Variants in STAG1 observed in about 807,000 individuals in gnomAD.
STAG1 encodes the protein cohesin subunit SA-1.
A neutral mutation model predicts 170.9 loss-of-function variants in STAG1; 26 were observed. That is an observed-to-expected ratio of 0.15 (90% confidence interval 0.11 to 0.21). The LOEUF (loss-of-function observed/expected upper bound fraction) is 0.21, where lower values mean the gene tolerates loss of function less well. STAG1 is among the 10% of genes least tolerant of loss of function. The probability of loss-of-function intolerance (pLI) is 1.00; values close to 1 mark genes in which losing one functional copy is unlikely to be tolerated. For missense variants in STAG1, 964 were observed against 1,509.5 expected (o/e 0.64, Z 5.99); for synonymous variants, 514 against 497.7 (o/e 1.03, Z -0.44).
At chr3:136,381,034 A>G (rs533030) in intron 22 of STAG1, among the ~76,000 whole-genome samples, 49,060 of 143,476 alleles carry the variant, frequency 0.34, 8,556 homozygotes, top group East Asian at 0.72. Context: ...GAAAAAAAAA[A>G]AAGAAAAAAA....
At chr3:136,423,100 T>C in intron 16 of STAG1, 56 bp from the exon 17 acceptor site, 1 of 1,179,684 alleles carries the variant, frequency 8.5e-7, no homozygotes, top group Non-Finnish European at 1.2e-6. Flanking sequence ...AAATCCAAAC[T>C]GTTACATATA....
At chr3:136,443,874 C>T (rs1243845963) in intron 14 of STAG1, among the ~76,000 whole-genome samples, 2 of 152,142 alleles carry the variant, frequency 1.3e-5, no homozygotes, top group African/African-American at 2.4e-5. Context: ...ACAAGTTACT[C>T]CATCTCTCCA....
chr3:136,614,974 T>C (rs1299834507), intron 3 of STAG1, among the ~76,000 whole-genome samples: 1 of 152,088 alleles, frequency 6.6e-6, no homozygotes, highest in Non-Finnish European at 1.5e-5. Context: ...TATAAAATAA[T>C]AAACTATAGT....
intron 1 of STAG1, among the ~76,000 whole-genome samples, chr3:136,652,893 A>T (rs1941262438): frequency 6.6e-6 from 1 of 152,184 alleles, no homozygotes; most frequent in Non-Finnish European, 1.5e-5. Flanking sequence ...ATGAAGTAGC[A>T]TCCTCCTAAA....
intron 1 of STAG1, among the ~76,000 whole-genome samples, chr3:136,714,956 TA>T (rs1943488935): frequency 4.3e-5 from 3 of 69,156 alleles, no homozygotes; most frequent in African/African-American, 8.1e-5. Context: ...TATATATATA[TA>T]TATATATTTT....
intron 16 of STAG1, among the ~76,000 whole-genome samples, chr3:136,432,985 T>A (rs2088354201): frequency 6.6e-6 from 1 of 152,162 alleles, no homozygotes; most frequent in Non-Finnish European, 1.5e-5. Flanking sequence ...GTGTTTTTTT[T>A]TTAATCTTTG....
intron 9 of STAG1, among the ~76,000 whole-genome samples, chr3:136,477,793 T>C (rs1286000111): frequency 2.0e-5 from 3 of 152,190 alleles, no homozygotes; most frequent in African/African-American, 7.2e-5. Flanking sequence ...TTAATCTTTT[T>C]TTAAAAAATT....
intron 1 of STAG1, among the ~76,000 whole-genome samples, chr3:136,647,587 T>G (rs1941077389): frequency 6.6e-6 from 1 of 151,906 alleles, no homozygotes. Flanking sequence ...AACAAAAATA[T>G]TTTTCCTTCA....
chr3:136,427,039 G>T (rs531193740), intron 16 of STAG1, among the ~76,000 whole-genome samples: 2 of 148,282 alleles, frequency 1.3e-5, no homozygotes, highest in Non-Finnish European at 3.0e-5. Context: ...CAGCCTGGGC[G>T]ACAGAGCGAG....
chr3:136,527,896 A>C (rs1299293823), intron 6 of STAG1, among the ~76,000 whole-genome samples: 1 of 152,192 alleles, frequency 6.6e-6, no homozygotes, highest in Admixed American at 6.5e-5. Flanking sequence ...GCTGCAGAAC[A>C]GTGAATATTG....
intron 8 of STAG1, among the ~76,000 whole-genome samples, chr3:136,502,153 G>A (rs1042492759): frequency 6.6e-6 from 1 of 151,800 alleles, no homozygotes. Flanking sequence ...ACTCGAGCCT[G>A]GGCAACAAGA....
intron 13 of STAG1, among the ~76,000 whole-genome samples, chr3:136,452,435 G>GGT (rs1491106956): frequency 1.3e-5 from 2 of 151,760 alleles, no homozygotes; most frequent in African/African-American, 4.8e-5. Context: ...ATGGTGGCGG[G>GGT]CACCTGTAGT....
At chr3:136,611,055 T>C (rs1160341923) in intron 3 of STAG1, among the ~76,000 whole-genome samples, 2 of 152,216 alleles carry the variant, frequency 1.3e-5, no homozygotes, top group Admixed American at 1.3e-4. Context: ...TGCACATACA[T>C]AATGAAACAT....
intron 13 of STAG1, among the ~76,000 whole-genome samples, chr3:136,462,272 G>A (rs1358370937): frequency 6.6e-6 from 1 of 152,156 alleles, no homozygotes. Context: ...ATTCATAGTA[G>A]TGATACATGG....
intron 1 of STAG1, among the ~76,000 whole-genome samples, chr3:136,679,451 G>T (rs948118103): frequency 6.6e-6 from 1 of 151,856 alleles, no homozygotes; most frequent in Non-Finnish European, 1.5e-5. Context: ...AGCATGGGCC[G>T]GGTGCGGTGG....
At chr3:136,634,072 C>A (rs1474147446) in intron 1 of STAG1, among the ~76,000 whole-genome samples, 1 of 147,790 alleles carries the variant, frequency 6.8e-6, no homozygotes, top group African/African-American at 2.5e-5. Flanking sequence ...ACCCAGGAGG[C>A]GGAGGTTGCA....
At chr3:136,608,001 AATCCC>A (rs1397442760) in intron 3 of STAG1, among the ~76,000 whole-genome samples, 5 of 152,184 alleles carry the variant, frequency 3.3e-5, no homozygotes, top group Admixed American at 1.3e-4. Flanking sequence ...TCACGCCTGT[AATCCC>A]AGCACCTTGG....
chr3:136,741,135 A>G (rs1250278985), intron 1 of STAG1, among the ~76,000 whole-genome samples: 1 of 152,216 alleles, frequency 6.6e-6, no homozygotes, highest in East Asian at 1.9e-4. Flanking sequence ...CAAAAAGCGT[A>G]TTTATGACCC....
In STAG1 at chr3:136,630,880, G is replaced by C. The variant is rs1379759425; in HGVS notation, c.19C>G (p.Pro7Ala). The change falls in exon 2 of 34, where the codon CCA becomes GCA. Residue 7 changes from proline to alanine, a missense_variant. Pro to Ala is a conservative substitution (Grantham distance 27). This residue lies in a region of STAG1 where 108 missense variants were observed against 120.2 expected (regional missense o/e 0.90). Transcript: ENST00000383202. ...AATTACAATACTTACTGTAACACTG[G>C]TAATTCTGAAGTAATCATTGCTGGA... MITSEL[P>A]VLQDSTNETT... 6.4e-7 allele frequency: 1 copy of C among 1,560,666 alleles called. No individual in the cohort carries two copies. The highest frequency in any genetic ancestry group is 8.7e-7 in the Non-Finnish European group (1 of 1,150,738).
Sources: gnomAD v4.1 joint callset for allele counts (sites outside exome capture counted in the v4.1 genomes callset) on GRCh38, gnomAD v4.1.1 for gene constraint, gnomAD v4.1.1 regional missense constraint, MANE v1.5 for transcripts, NCBI Gene and HGNC (gene_info 2026-07-23, HGNC 2026-07-21) for gene names.